Variants in SH3BGRL observed in about 807,000 individuals in gnomAD.
The protein encoded by SH3BGRL is adapter SH3BGRL.
A neutral mutation model predicts 9.8 loss-of-function variants in SH3BGRL; 7 were observed. That is an observed-to-expected ratio of 0.72 (90% CI 0.41 to 1.35). SH3BGRL has a LOEUF of 1.35. Ranked by LOEUF, SH3BGRL falls within the 40% of genes most tolerant of loss-of-function variation. SH3BGRL has a pLI of 0.01. For synonymous variants in SH3BGRL, 36 were observed against 29.1 expected, an observed-to-expected ratio of 1.24 and a Z score of -0.76; for missense variants, 73 against 84.4, an observed-to-expected ratio of 0.86 and a Z score of 0.53.
At chrX:81,221,838 G>A (rs2075600888) in intron 1 of SH3BGRL, among the ~76,000 whole-genome samples, 1 of 112,057 alleles carries the variant, frequency 8.9e-6, no homozygotes, top group Non-Finnish European at 1.9e-5. Context: ...GAAAGCTTGA[G>A]CATAACACTG....
chrX:81,267,002 CTGTT>C (rs2075759308), intron 1 of SH3BGRL, among the ~76,000 whole-genome samples: 1 of 111,457 alleles, frequency 9.0e-6, no homozygotes, highest in South Asian at 3.8e-4. Flanking sequence ...GTTTGGCTCT[CTGTT>C]TGTCTGTTAT....
chrX:81,287,347 T>C (rs1330380568), intron 3 of SH3BGRL, among the ~76,000 whole-genome samples: 1 of 111,909 alleles, frequency 8.9e-6, no homozygotes, highest in Non-Finnish European at 1.9e-5. Flanking sequence ...CAAGCAATTA[T>C]ATGCCAATAA....
intron 1 of SH3BGRL, among the ~76,000 whole-genome samples, chrX:81,251,460 G>T (rs2075710446): frequency 9.3e-6 from 1 of 107,085 alleles, no homozygotes. Flanking sequence ...ATTTCCTCTT[G>T]TATAATATGG....
chrX:81,252,232 A>T (rs1463399657), intron 1 of SH3BGRL, among the ~76,000 whole-genome samples: 1 of 112,298 alleles, frequency 8.9e-6, no homozygotes, highest in Admixed American at 9.5e-5. Context: ...CGCAGAGATG[A>T]TTAGTAACCT....
At chrX:81,264,153 C>A (rs747257577) in intron 1 of SH3BGRL, among the ~76,000 whole-genome samples, 29 of 110,952 alleles carry the variant, frequency 2.6e-4, no homozygotes, top group Non-Finnish European at 2.1e-4. Flanking sequence ...GATGTCTCAA[C>A]CTTTGGTGTC....
chrX:81,238,925 T>C (rs772931417), intron 1 of SH3BGRL, among the ~76,000 whole-genome samples: 51 of 111,084 alleles, frequency 4.6e-4, no homozygotes, highest in Non-Finnish European at 8.1e-4. Context: ...CCCAGCACCA[T>C]CAAGGTGATA....
intron 1 of SH3BGRL, among the ~76,000 whole-genome samples, chrX:81,273,412 T>C (rs1284473289): frequency 2.7e-5 from 3 of 112,421 alleles, no homozygotes; most frequent in Non-Finnish European, 5.6e-5. Flanking sequence ...CAATAGATTG[T>C]AATGTGAGGA....
At chrX:81,246,332 T>C (rs932635108) in intron 1 of SH3BGRL, among the ~76,000 whole-genome samples, 1 of 111,812 alleles carries the variant, frequency 8.9e-6, no homozygotes, top group Non-Finnish European at 1.9e-5. Context: ...CACTTGTTAA[T>C]TTTTTGCTTT....
intron 3 of SH3BGRL, among the ~76,000 whole-genome samples, chrX:81,280,607 A>G (rs1460000963): frequency 1.8e-5 from 2 of 111,914 alleles, no homozygotes; most frequent in Non-Finnish European, 3.8e-5. Flanking sequence ...AGCCACATCC[A>G]TAGGAAAAGG....
chrX:81,211,223 A>G (rs1485164752), intron 1 of SH3BGRL, among the ~76,000 whole-genome samples: 1 of 111,728 alleles, frequency 9.0e-6, no homozygotes, highest in Non-Finnish European at 1.9e-5. Context: ...CTGAGTGTCA[A>G]CTTGATTGGA....
At chrX:81,223,056 T>G (rs1392865924) in intron 1 of SH3BGRL, among the ~76,000 whole-genome samples, 3 of 111,968 alleles carry the variant, frequency 2.7e-5, no homozygotes, top group African/African-American at 9.7e-5. Flanking sequence ...TTGAGTTCAT[T>G]GCAGATTCTG....
intron 1 of SH3BGRL, among the ~76,000 whole-genome samples, chrX:81,228,161 A>G (rs1569359667): frequency 1.8e-5 from 2 of 112,061 alleles, no homozygotes. Flanking sequence ...TAAGTGACCA[A>G]TGGCCCATGA....
At chrX:81,281,630 G>A (rs1051485035) in intron 3 of SH3BGRL, among the ~76,000 whole-genome samples, 7 of 111,984 alleles carry the variant, frequency 6.3e-5, no homozygotes, top group African/African-American at 2.3e-4. Context: ...GAGAGAATTC[G>A]CCATTATCAA....
chrX:81,250,008 A>G (rs1035503952), intron 1 of SH3BGRL, among the ~76,000 whole-genome samples: 1 of 110,849 alleles, frequency 9.0e-6, no homozygotes, highest in Non-Finnish European at 1.9e-5. Context: ...TATTTTTAAT[A>G]TAATGAAGGT....
intron 3 of SH3BGRL, among the ~76,000 whole-genome samples, chrX:81,289,714 C>T (rs750692947): frequency 3.6e-5 from 4 of 110,593 alleles, no homozygotes; most frequent in South Asian, 3.9e-4. Context: ...AAAAATTAGC[C>T]GGGAGTAGTG....
chrX:81,277,789 C>A (rs1159988418), intron 2 of SH3BGRL, among the ~76,000 whole-genome samples: 1 of 111,722 alleles, frequency 9.0e-6, no homozygotes, highest in African/African-American at 3.3e-5. Flanking sequence ...ATAAATCATT[C>A]TGCAGTTTTT....
intron 1 of SH3BGRL, among the ~76,000 whole-genome samples, chrX:81,231,367 T>C (rs1417652078): frequency 8.9e-6 from 1 of 112,666 alleles, no homozygotes; most frequent in South Asian, 3.6e-4. Context: ...TAGGCTTCTT[T>C]TTTAAATAAA....
chrX:81,259,892 G>C (rs1204708313), intron 1 of SH3BGRL, among the ~76,000 whole-genome samples: 1 of 111,719 alleles, frequency 9.0e-6, no homozygotes, highest in Non-Finnish European at 1.9e-5. Context: ...TTTTGGTAAA[G>C]TCATTGTAAT....
chrX:81,246,403 T>C (rs2075688882), intron 1 of SH3BGRL, among the ~76,000 whole-genome samples: 1 of 111,789 alleles, frequency 8.9e-6, no homozygotes, highest in Admixed American at 9.5e-5. Context: ...TCCAGTATGG[T>C]TTCCTAGGAT....
Sources: gnomAD v4.1 joint callset for allele counts (sites outside exome capture counted in the v4.1 genomes callset) on GRCh38, gnomAD v4.1.1 for gene constraint, MANE v1.5 for transcripts, NCBI Gene and HGNC (gene_info 2026-07-23, HGNC 2026-07-21) for gene names.